ZNF407: variants seen among roughly 807,000 people sequenced by gnomAD.
The protein encoded by ZNF407 is zinc finger protein 407.
Under a neutral mutation model 131.2 loss-of-function variants are expected in ZNF407, and 17 were observed. The ratio of observed to expected loss-of-function variants is 0.13; its 90% confidence interval spans 0.09 to 0.19. ZNF407 has a LOEUF of 0.19. ZNF407 is among the 10% of genes least tolerant of loss of function. The pLI is 1.00. For missense variants in ZNF407, 2,681 were observed against 2,830.6 expected (o/e 0.95, Z 1.20); for synonymous variants, 1,156 against 1,062.0 (o/e 1.09, Z -1.72).
intron 3 of ZNF407, among the ~76,000 whole-genome samples, chr18:74,714,534 A>G (rs1416140749): frequency 6.6e-6 from 1 of 152,054 alleles, no homozygotes; most frequent in African/African-American, 2.4e-5. Flanking sequence ...TGCTGTTTTG[A>G]TTTTCCTGGT....
At chr18:74,644,805 A>G (rs984841524) in intron 3 of ZNF407, among the ~76,000 whole-genome samples, 3 of 151,250 alleles carry the variant, frequency 2.0e-5, no homozygotes, top group Non-Finnish European at 4.4e-5. Flanking sequence ...CCTTTTAACT[A>G]TTTCTTTTCT....
intron 8 of ZNF407, among the ~76,000 whole-genome samples, chr18:75,050,581 T>C (rs142708597): frequency 2.3e-4 from 35 of 152,302 alleles, no homozygotes; most frequent in Admixed American, 9.2e-4. Flanking sequence ...CACAGTGGGT[T>C]GTAGTATAGG....
intron 8 of ZNF407, among the ~76,000 whole-genome samples, chr18:74,937,212 A>G (rs1011839800): frequency 1.3e-5 from 2 of 152,212 alleles, no homozygotes; most frequent in Admixed American, 1.3e-4. Context: ...GCATTGAGTC[A>G]ATTCCATTTT....
chr18:74,623,600 G>A (rs1031748101), intron 1 of ZNF407, among the ~76,000 whole-genome samples: 1 of 152,240 alleles, frequency 6.6e-6, no homozygotes, highest in Non-Finnish European at 1.5e-5. Context: ...TGCCTTCTTT[G>A]ATATGCAGAA....
rs555291104 is a variant in ZNF407, at chr18:75,047,959, C to T, written c.5429-15191C>T. Among the ~76,000 whole-genome samples the T allele has an allele frequency of 2.3e-3, 356 of 152,314 alleles. 1 individual carries two copies. Among genetic ancestry groups the T allele is most frequent in the African/African-American group, 7.7e-3 (322 of 41,566 alleles). On this transcript the variant is annotated intron_variant, in intron 8 of 8. Coordinates refer to ENST00000299687, the MANE Select transcript of ZNF407 (RefSeq NM_017757.3). ...GGTAAACACATGAATGTCTGTATTT[C>T]CGCACACATCATGCCAAGTTTCACC...
chr18:74,903,328 T>G (rs1971554085), intron 7 of ZNF407, among the ~76,000 whole-genome samples: 1 of 152,216 alleles, frequency 6.6e-6, no homozygotes, highest in Admixed American at 6.5e-5. Context: ...CACATATATA[T>G]GTAAATACTT....
chr18:74,826,309 T>A (rs923429599), intron 4 of ZNF407, among the ~76,000 whole-genome samples: 6 of 152,186 alleles, frequency 3.9e-5, no homozygotes, highest in African/African-American at 1.4e-4. Flanking sequence ...GAACACCATG[T>A]CGTTAGCCTG....
chr18:74,617,039 G>GCACACACATCCATATCCACACAC (rs1983333114), intron 1 of ZNF407, among the ~76,000 whole-genome samples: 1 of 1,176 alleles, frequency 8.5e-4, no homozygotes, highest in Admixed American at 8.2e-3. Context: ...TATCCACACA[G>GCACACACATCCATATCCACACAC]CACACACATC....
chr18:74,702,546 C>T lies in ZNF407; in HGVS notation c.4802+61424C>T, dbSNP rs573838293. 4.6e-5 allele frequency among the ~76,000 whole-genome samples: 7 copies of T among 151,998 alleles called. No individual in the cohort carries two copies. The South Asian group carries it at 1.2e-3, about 27-fold the overall frequency. On this transcript the variant is annotated intron_variant, in intron 3 of 8. Coordinates refer to ENST00000299687, the MANE Select transcript of ZNF407 (RefSeq NM_017757.3). Reference sequence around the variant, plus strand: ...CTTTGAGTAGAAAAAGACTGTAAGGCATGTGGATATTTTTGAAAATATTAA... The same window carrying T: ...CTTTGAGTAGAAAAAGACTGTAAGGTATGTGGATATTTTTGAAAATATTAA...
At chr18:74,854,291 T>A (rs1970829358) in intron 4 of ZNF407, among the ~76,000 whole-genome samples, 1 of 152,238 alleles carries the variant, frequency 6.6e-6, no homozygotes, top group South Asian at 2.1e-4. Context: ...AGATAATTTG[T>A]AAGATTACTT....
intron 3 of ZNF407, among the ~76,000 whole-genome samples, chr18:74,764,177 T>A (rs1041063694): frequency 3.3e-5 from 5 of 152,340 alleles, no homozygotes; most frequent in African/African-American, 1.2e-4. Context: ...TGCCCATTAT[T>A]TCTTCAACTA....
At chr18:74,674,515 C>CA (rs1986278412) in intron 3 of ZNF407, among the ~76,000 whole-genome samples, 2 of 152,152 alleles carry the variant, frequency 1.3e-5, no homozygotes, top group Admixed American at 1.3e-4. Context: ...ATACTTTTTT[C>CA]ATGGCTTCTC....
intron 7 of ZNF407, among the ~76,000 whole-genome samples, chr18:74,904,108 T>C (rs28437870): frequency 6.6e-6 from 1 of 152,196 alleles, no homozygotes. Context: ...TCTATTTCAT[T>C]GAAGGGGAGG....
At chr18:74,681,125 T>C (rs1373387967) in intron 3 of ZNF407, among the ~76,000 whole-genome samples, 1 of 152,128 alleles carries the variant, frequency 6.6e-6, no homozygotes, top group African/African-American at 2.4e-5. Flanking sequence ...AGAGGAGATT[T>C]CATTTCGCTT....
At chr18:74,853,303 G>A (rs932085901) in intron 4 of ZNF407, among the ~76,000 whole-genome samples, 9 of 152,130 alleles carry the variant, frequency 5.9e-5, no homozygotes, top group Admixed American at 2.6e-4. Context: ...AAAGCCTTCC[G>A]TTTTCCAGTT....
intron 4 of ZNF407, among the ~76,000 whole-genome samples, chr18:74,806,275 A>G (rs935908851): frequency 3.3e-5 from 5 of 152,202 alleles, no homozygotes; most frequent in Admixed American, 3.3e-4. Flanking sequence ...GATTGTCTTT[A>G]TCTTATCTCA....
In ZNF407 at chr18:74,635,666, C is replaced by T. The variant is rs1984428528; in HGVS notation, c.4647C>T (p.Ser1549=). The T allele has an allele frequency of 3.7e-6, 6 of 1,606,096 alleles. No homozygotes were observed. Among genetic ancestry groups the T allele is most frequent in the Non-Finnish European group, 5.1e-6 (6 of 1,175,428 alleles). The change falls in exon 2 of 9, where the codon AGC becomes AGT. Residue 1549 remains serine, a synonymous_variant. Coordinates refer to ENST00000299687, the MANE Select transcript of ZNF407 (RefSeq NM_017757.3). This position sits in a 1 kb window ranked among gnomAD's most constrained non-coding sequence, Gnocchi z 4.7. ...CKYCGKMCRS[S]NSMAFLAHIR... is the part of the protein sequence containing the mutation. The stretch of plus-strand genomic sequence containing the variant: ...ATTGTGGGAAGATGTGTCGAAGCAG[C>T]AACTCGATGGCCTTCCTGGCACACA...
chr18:74,712,005 C>T (rs1437839281), intron 3 of ZNF407, among the ~76,000 whole-genome samples: 10 of 152,184 alleles, frequency 6.6e-5, no homozygotes. Flanking sequence ...CCACTGCCTC[C>T]CGCCCTTATT....
At chr18:74,761,115 A>G (rs1459637686) in intron 3 of ZNF407, among the ~76,000 whole-genome samples, 3 of 152,130 alleles carry the variant, frequency 2.0e-5, no homozygotes, top group Admixed American at 2.0e-4. Flanking sequence ...AAATACAAAC[A>G]ATTTTATTTT....
Sources: allele counts gnomAD v4.1 joint callset (sites outside exome capture counted in the v4.1 genomes callset), GRCh38; gene constraint gnomAD v4.1.1; non-coding constraint Gnocchi (gnomAD v3.1); transcripts MANE v1.5; gene names NCBI Gene and HGNC (gene_info 2026-07-23, HGNC 2026-07-21).